The following COPS2 variants were observed in gnomAD, a reference collection of about 807,000 sequenced individuals.
COPS2 encodes COP9 signalosome subunit 2.
In COPS2, 10 loss-of-function variants were observed where a neutral mutation model predicts 66.1. The ratio of observed to expected loss-of-function variants is 0.15; its 90% CI spans 0.09 to 0.26. The LOEUF is 0.26. COPS2 is among the 10% of genes least tolerant of loss of function. The probability of loss-of-function intolerance (pLI) is 1.00; values close to 1 mark genes in which losing one functional copy is unlikely to be tolerated. For missense variants in COPS2, 215 were observed against 513.3 expected (o/e 0.42, Z 5.62); for synonymous variants, 179 against 171.3 (o/e 1.04, Z -0.35).
intron 3 of COPS2, 116 bp from the exon 4 acceptor site, chr15:49,139,769 G>C (rs2084278372): frequency 1.4e-6 from 1 of 727,446 alleles, no homozygotes; most frequent in Non-Finnish European, 2.2e-6. Context: ...TATAGTTCCT[G>C]ATATAGTTTT....
rs2084155710 is a variant in COPS2, at chr15:49,125,183, G to GT, written c.*2766dup. 1 of 152,072 alleles carries GT rather than the reference G, an allele frequency of 6.6e-6. No individual in the cohort carries two copies. The highest frequency in any genetic ancestry group is 6.5e-5 in the Admixed American group (1 of 15,272). 9.4% of individuals were successfully genotyped at this position (152,072 alleles called of 1,614,324 possible). A position where few individuals can be genotyped will look rare whatever the true frequency, so the allele number is the denominator to read the frequency against. On this transcript the variant is annotated 3_prime_UTR_variant, in exon 13 of 13. Coordinates refer to ENST00000388901, the MANE Select transcript of COPS2 (RefSeq NM_004236.4). ...TAGGTTCTCAGTTTTCCTGAAAGAT[G>GT]TATCAGCCTGTAGTTAGAAGGGACT...
intron 11 of COPS2, among the ~76,000 whole-genome samples, 186 bp downstream of exon 11, chr15:49,129,291 C>T (rs2084191874): frequency 6.7e-6 from 1 of 149,864 alleles, no homozygotes; most frequent in Admixed American, 6.6e-5. Flanking sequence ...GGCTATACAG[C>T]AAGACCCTGT....
Position 49,128,866 on chromosome 15 carries a change from TGAAGA to T in COPS2, c.1129-111_1129-107del, listed in dbSNP as rs1385880358. On this transcript the variant is annotated intron_variant, in intron 11 of 12. Coordinates refer to ENST00000388901, the MANE Select transcript of COPS2 (RefSeq NM_004236.4). ...TTTCTATCACTTAAAGGAAAATTAG[TGAAGA>T]GAAGATTTTTAAACATATTTCATTA... 10 of 702,010 alleles carry T rather than the reference TGAAGA, an allele frequency of 1.4e-5. No homozygotes were observed. In the East Asian group the frequency reaches 1.9e-4, roughly 14 times the overall value. The allele number at this position is 702,010 out of a possible 1,614,324, so 43.5% of individuals were successfully genotyped here.
At chr15:49,150,103 C>T (rs1254617348) in intron 1 of COPS2, among the ~76,000 whole-genome samples, 2 of 151,712 alleles carry the variant, frequency 1.3e-5, no homozygotes, top group African/African-American at 4.8e-5. Context: ...GCCTGACCAA[C>T]ATGGAGAAAC....
At chr15:49,150,641 C>A (rs1226931153) in intron 1 of COPS2, among the ~76,000 whole-genome samples, 1 of 152,072 alleles carries the variant, frequency 6.6e-6, no homozygotes, top group Non-Finnish European at 1.5e-5. Context: ...ATTTTTCCTA[C>A]CCAACTAATG....
At position 49,123,397 on chromosome 15, in the gene COPS2, C is replaced by T. The variant is rs1238146651; in HGVS notation, c.*4553G>A. 1 of 152,136 alleles carries T rather than the reference C, an allele frequency of 6.6e-6. No individual in the cohort carries two copies. The highest frequency in any genetic ancestry group is 1.5e-5 in the Non-Finnish European group (1 of 68,020). 9.4% of individuals were successfully genotyped at this position (152,136 alleles called of 1,614,324 possible). A position where few individuals can be genotyped will look rare whatever the true frequency, so the allele number is the denominator to read the frequency against. On this transcript the variant is annotated 3_prime_UTR_variant, in exon 13 of 13. Coordinates refer to ENST00000388901, the MANE Select transcript of COPS2 (RefSeq NM_004236.4). The stretch of plus-strand genomic sequence containing the variant: ...TTCCACATGAAACCTAGTCATAACA[C>T]GCAAGTTACTGGTACACTGGTAATT...
chr15:49,139,492 C>G, intron 4 of COPS2, 36 bp downstream of exon 4: 1 of 1,537,310 alleles, frequency 6.5e-7, no homozygotes. Context: ...ATAATAAACA[C>G]ACTGATCGTC....
Position 49,134,126 on chromosome 15 carries a change from T to C in COPS2, c.716-18A>G. 6.3e-7 allele frequency: 1 copy of C among 1,590,396 alleles called. No homozygotes were observed. On this transcript the variant is annotated intron_variant, in intron 7 of 12. Coordinates refer to ENST00000388901, the MANE Select transcript of COPS2 (RefSeq NM_004236.4). ...ACCACATTCTGTGAAGAATAAGACA[T>C]GAGAAAATAGGACATTTTCAGTTCT...
At chr15:49,145,890 A>G (rs539371217) in intron 1 of COPS2, among the ~76,000 whole-genome samples, 18 of 152,272 alleles carry the variant, frequency 1.2e-4, no homozygotes, top group South Asian at 6.2e-4. Flanking sequence ...TTATTATCTT[A>G]TGAGTCATAA....
chr15:49,134,595 T>C, intron 6 of COPS2, 81 bp from the exon 7 acceptor site: 1 of 1,090,398 alleles, frequency 9.2e-7, no homozygotes, highest in Non-Finnish European at 1.3e-6. Flanking sequence ...AAATCTTACA[T>C]TTATAATACT....
At chr15:49,133,356 T>C (rs1476191745) in intron 9 of COPS2, among the ~76,000 whole-genome samples, 1 of 152,202 alleles carries the variant, frequency 6.6e-6, no homozygotes, top group Non-Finnish European at 1.5e-5. Flanking sequence ...TAAAAAAATA[T>C]GCTTATGCTG....
At chr15:49,128,116 G>A in intron 12 of COPS2, 22 bp from the exon 13 acceptor site, 1 of 1,609,252 alleles carries the variant, frequency 6.2e-7, no homozygotes, top group South Asian at 1.1e-5. Context: ...TAAATAAGAT[G>A]TGTCTACAAA....
rs1030653878 is a variant in COPS2 at position 49,126,211 on chromosome 15, T to C, written c.*1739A>G. ...TATCTTAAACTTTTATTCCCTACCATAGACATTTTGTCTTTTGTTTTCTTT... is the reference window on the plus strand; with the variant it reads ...TATCTTAAACTTTTATTCCCTACCACAGACATTTTGTCTTTTGTTTTCTTT... On this transcript the variant is annotated 3_prime_UTR_variant, in exon 13 of 13. Coordinates refer to ENST00000388901, the MANE Select transcript of COPS2 (RefSeq NM_004236.4). 6 of 152,516 alleles carry C rather than the reference T, an allele frequency of 3.9e-5. No homozygotes were observed. Among genetic ancestry groups the C allele is most frequent in the African/African-American group, 1.2e-4 (5 of 41,444 alleles). 9.4% of individuals were successfully genotyped at this position (152,516 alleles called of 1,614,324 possible).
At chr15:49,128,865 G>C (rs1400396595) in intron 11 of COPS2, 105 bp from the exon 12 acceptor site, 1 of 699,964 alleles carries the variant, frequency 1.4e-6, no homozygotes, top group Non-Finnish European at 2.4e-6. Flanking sequence ...AGGAAAATTA[G>C]TGAAGAGAAG....
At chr15:49,134,754 G>A (rs988459808) in intron 6 of COPS2, among the ~76,000 whole-genome samples, 2 of 152,030 alleles carry the variant, frequency 1.3e-5, no homozygotes, top group African/African-American at 2.4e-5. Context: ...TTTTATAGTA[G>A]TCCTTCCTTA....
chr15:49,133,893 A>C, intron 8 of COPS2, 37 bp downstream of exon 8: 1 of 1,558,356 alleles, frequency 6.4e-7, no homozygotes, highest in Non-Finnish European at 8.7e-7. Context: ...ATTTCCAGAT[A>C]GCTGATAAGA....
rs756577909 is a variant in COPS2, at chr15:49,137,335, T to G, written c.462+13A>C. The G allele has an allele frequency of 6.3e-7, 1 of 1,587,166 alleles. No homozygotes were observed. The highest frequency in any genetic ancestry group is 2.2e-5 in the East Asian group (1 of 44,652). ...ACTTTTCAAAAGAAAAGTGTAAGTA[T>G]TATAACGGTTACCTTTGTGTTTGTC... is the stretch of plus-strand genomic sequence containing the variant. On this transcript the variant is annotated intron_variant, in intron 5 of 12. Coordinates refer to ENST00000388901, the MANE Select transcript of COPS2 (RefSeq NM_004236.4).
rs1595818463 is a variant in COPS2 at position 49,127,823 on chromosome 15, A to C, written c.*127T>G. 1.0e-6 allele frequency: 1 copy of C among 978,146 alleles called. No individual in the cohort carries two copies. The highest frequency in any genetic ancestry group is 1.6e-5 in the African/African-American group (1 of 60,762). The allele number at this position is 978,146 out of a possible 1,614,324, so 60.6% of individuals were successfully genotyped here. A position where few individuals can be genotyped will look rare whatever the true frequency, so the allele number is the denominator to read the frequency against. On this transcript the variant is annotated 3_prime_UTR_variant, in exon 13 of 13. Coordinates refer to ENST00000388901, the MANE Select transcript of COPS2 (RefSeq NM_004236.4). ...ACACAAACCAGTTGATCAAAAAAGCACTTCTGCCATAACTCCAATAATTTT... is the reference window on the plus strand; with the variant it reads ...ACACAAACCAGTTGATCAAAAAAGCCCTTCTGCCATAACTCCAATAATTTT...
Position 49,127,138 on chromosome 15 carries a change from G to A in COPS2, c.*812C>T, listed in dbSNP as rs2084173204. 1 of 152,118 alleles carries A rather than the reference G, an allele frequency of 6.6e-6. No individual in the cohort carries two copies. The highest frequency in any genetic ancestry group is 6.5e-5 in the Admixed American group (1 of 15,276). The allele number at this position is 152,118 out of a possible 1,614,324, so 9.4% of individuals were successfully genotyped here. A position where few individuals can be genotyped will look rare whatever the true frequency, so the allele number is the denominator to read the frequency against. ...AATTTTATTCCTTTAAAGCATCACT[G>A]TCATAACTATGCACGTGTTTTGTTA... is the stretch of plus-strand genomic sequence containing the variant. On this transcript the variant is annotated 3_prime_UTR_variant, in exon 13 of 13. Transcript: ENST00000388901.
Sources: gnomAD v4.1 joint callset for allele counts (sites outside exome capture counted in the v4.1 genomes callset) on GRCh38, gnomAD v4.1.1 for gene constraint, MANE v1.5 for transcripts, NCBI Gene and HGNC (gene_info 2026-07-23, HGNC 2026-07-21) for gene names.